Variants in ABCC3 observed in about 807,000 individuals in gnomAD.
The protein encoded by ABCC3 is ATP-binding cassette sub-family C member 3.
ABCC3 carries 121 observed loss-of-function variants against 165.3 expected under a neutral mutation model. That is an observed-to-expected ratio of 0.73 (90% confidence interval 0.63 to 0.85). The LOEUF (loss-of-function observed/expected upper bound fraction) is 0.85. Ranked by LOEUF, ABCC3 falls within the 40% of genes least tolerant of loss-of-function variation. The probability of loss-of-function intolerance (pLI) is 0.00; values close to 1 mark genes in which losing one functional copy is unlikely to be tolerated. For missense variants in ABCC3, 1,869 were observed against 1,964.1 expected, an observed-to-expected ratio of 0.95 and a Z score of 0.92; for synonymous variants, 733 against 810.1, an observed-to-expected ratio of 0.90 and a Z score of 1.62.
intron 28 of ABCC3, 138 bp downstream of exon 28, chr17:50,684,245 G>A (rs1967981374): frequency 1.7e-6 from 2 of 1,201,084 alleles, no homozygotes; most frequent in South Asian, 2.9e-5. Context: ...ACAGCAGGAA[G>A]CAGAGCCATC....
intron 30 of ABCC3, among the ~76,000 whole-genome samples, chr17:50,690,195 G>C (rs1968095144): frequency 6.6e-6 from 1 of 152,188 alleles, no homozygotes; most frequent in South Asian, 2.1e-4. Flanking sequence ...TGCGTGGGAG[G>C]GAGGCAGTAG....
intron 1 of ABCC3, among the ~76,000 whole-genome samples, chr17:50,652,526 A>G (rs1967131528): frequency 1.3e-5 from 2 of 152,150 alleles, no homozygotes; most frequent in African/African-American, 2.4e-5. Flanking sequence ...GCATTTTTGA[A>G]CCTTTCTTTT....
At chr17:50,645,592 ATGTG>A (rs540139124) in intron 1 of ABCC3, among the ~76,000 whole-genome samples, 1 of 151,712 alleles carries the variant, frequency 6.6e-6, no homozygotes, top group Non-Finnish European at 1.5e-5. Context: ...ATAAACGTGT[ATGTG>A]TGTGTGTGTA....
chr17:50,651,066 GAAAAAAA>G (rs57837230), intron 1 of ABCC3, among the ~76,000 whole-genome samples: 4 of 84,284 alleles, frequency 4.7e-5, no homozygotes, highest in East Asian at 3.7e-4. Flanking sequence ...CTCCATCTCA[GAAAAAAA>G]AAAAAAAAAA....
Position 50,691,091 on chromosome 17 carries a change from G to C in ABCC3, c.4476-1G>C, listed in dbSNP as rs761443774. 2 of 1,611,990 alleles carry C rather than the reference G, an allele frequency of 1.2e-6. No homozygotes were observed. Among genetic ancestry groups the C allele is most frequent in the South Asian group, 1.1e-5 (1 of 91,004 alleles). On this transcript the variant is annotated splice_acceptor_variant, in intron 30 of 30. Transcript: ENST00000285238. LOFTEE classifies it high-confidence loss of function. ...TGACCACTTCTCTCTTTTTTGACTAGGGTCCTGGTCCTGGACAAAGGAGTA... is the reference window on the plus strand; with the variant it reads ...TGACCACTTCTCTCTTTTTTGACTACGGTCCTGGTCCTGGACAAAGGAGTA...
chr17:50,639,594 G>A (rs1386868028), intron 1 of ABCC3, among the ~76,000 whole-genome samples: 2 of 152,178 alleles, frequency 1.3e-5, no homozygotes, highest in Non-Finnish European at 2.9e-5. Flanking sequence ...TCCCTGGGGA[G>A]TTGGGGGTGA....
Position 50,664,480 on chromosome 17 carries a change from G to A in ABCC3, c.1338+369G>A. 2.8e-5 allele frequency: 7 copies of A among 249,328 alleles called. No homozygotes were observed. The South Asian group carries it at 3.2e-4, about 11-fold the overall frequency. 15.4% of individuals were successfully genotyped at this position (249,328 alleles called of 1,614,324 possible). A position where few individuals can be genotyped will look rare whatever the true frequency, so the allele number is the denominator to read the frequency against. ...AGCATTTTGGGAGACCAAGGCGGGT[G>A]GATCACGAGGTCAGGAGTTCGAGAC... On this transcript the variant is annotated intron_variant, in intron 10 of 30. Transcript: ENST00000285238.
chr17:50,668,107 T>C (rs536160963), intron 13 of ABCC3, 98 bp downstream of exon 13: 8 of 1,081,884 alleles, frequency 7.4e-6, no homozygotes, highest in East Asian at 4.8e-5. Context: ...GGGGGAGTTA[T>C]TGGATTCAGG....
intron 7 of ABCC3, 119 bp from the exon 8 acceptor site, chr17:50,660,804 T>A: frequency 1.3e-6 from 1 of 781,674 alleles, no homozygotes; most frequent in Non-Finnish European, 2.0e-6. Context: ...CTCCCAGCTC[T>A]GAGAGCCAAG....
intron 3 of ABCC3, 26 bp downstream of exon 3, chr17:50,656,853 G>T (rs369010280): frequency 5.0e-6 from 8 of 1,589,078 alleles, no homozygotes; most frequent in Non-Finnish European, 6.8e-6. Context: ...TGGGAAAGTG[G>T]ATGGGGGAGG....
chr17:50,635,459 G>A (rs2054170938), intron 1 of ABCC3: 7 of 702,398 alleles, frequency 1.0e-5, no homozygotes, highest in South Asian at 3.0e-5. Context: ...AGGTGTTTTG[G>A]GAGGCCGGCT....
At chr17:50,662,750 C>G (rs992824560) in intron 8 of ABCC3, among the ~76,000 whole-genome samples, 3 of 151,852 alleles carry the variant, frequency 2.0e-5, no homozygotes, top group Non-Finnish European at 4.4e-5. Flanking sequence ...TTCACAGGTA[C>G]CAGGTGTTGG....
At chr17:50,684,953 C>A in intron 29 of ABCC3, 78 bp downstream of exon 29, 2 of 1,514,698 alleles carry the variant, frequency 1.3e-6, no homozygotes, top group East Asian at 2.3e-5. Context: ...AACCTGACAC[C>A]AATGACACAG....
chr17:50,661,100 T>C lies in ABCC3; in HGVS notation c.984T>C (p.Asn328=). ...KLIQDLLSFI[N]PQLLSILIRF... ...TCCAGGACCTGCTCTCCTTCATCAA[T>C]CCACAGCTGCTCAGGTCTCTCCACA... The change falls in exon 8 of 31, where the codon AAT becomes AAC. Residue 328 remains asparagine (N), a synonymous_variant. Transcript: ENST00000285238. The C allele has an allele frequency of 2.5e-6, 4 of 1,613,140 alleles. No homozygotes were observed. Among genetic ancestry groups the C allele is most frequent in the Non-Finnish European group, 3.4e-6 (4 of 1,179,402 alleles).
chr17:50,664,896 G>T (rs367602534), intron 10 of ABCC3, among the ~76,000 whole-genome samples: 2 of 152,038 alleles, frequency 1.3e-5, no homozygotes. Flanking sequence ...GGCTGTCATC[G>T]TCTATATTTG....
intron 22 of ABCC3, 87 bp from the exon 23 acceptor site, chr17:50,676,191 A>G: frequency 5.0e-6 from 8 of 1,586,142 alleles, no homozygotes; most frequent in Non-Finnish European, 6.9e-6. Context: ...TCCCTAACCC[A>G]CTCTGGTCAA....
At chr17:50,663,657 C>A (rs1460814599) in intron 8 of ABCC3, 24 bp from the exon 9 acceptor site, 4 of 1,612,828 alleles carry the variant, frequency 2.5e-6, no homozygotes, top group African/African-American at 1.3e-5. Flanking sequence ...CACTGCCCAC[C>A]TCACTCCTCT....
Position 50,682,341 on chromosome 17 carries a change from G to T in ABCC3, c.3808-1269G>T, listed in dbSNP as rs910619078. On this transcript the variant is annotated intron_variant, in intron 26 of 30. Coordinates refer to ENST00000285238, the MANE Select transcript of ABCC3 (RefSeq NM_003786.4). ...TCTATTCTGCTTGTAGCTGCCAAGA[G>T]ATTTAAAAAAAAAAAAAAAAAAAAT... Among the ~76,000 whole-genome samples, 78 of 73,030 alleles carry T rather than the reference G, an allele frequency of 1.1e-3. 1 individual carries two copies. Among genetic ancestry groups the T allele is most frequent in the Non-Finnish European group, 6.8e-4 (25 of 36,724 alleles). The allele number at this position is 73,030 out of a possible 152,430, so 47.9% of individuals were successfully genotyped here. A position where few individuals can be genotyped will look rare whatever the true frequency, so the allele number is the denominator to read the frequency against.
At chr17:50,672,086 C>A (rs1967660306) in intron 17 of ABCC3, among the ~76,000 whole-genome samples, 1 of 152,104 alleles carries the variant, frequency 6.6e-6, no homozygotes, top group South Asian at 2.1e-4. Context: ...ATTCACGCAT[C>A]AACCTATTAA....
Sources: gnomAD v4.1 joint callset for allele counts (sites outside exome capture counted in the v4.1 genomes callset) on GRCh38, gnomAD v4.1.1 for gene constraint, MANE v1.5 for transcripts, NCBI Gene and HGNC (gene_info 2026-07-23, HGNC 2026-07-21) for gene names.